Variants in GPC5 observed in about 807,000 individuals in gnomAD.
The protein encoded by GPC5 is glypican-5.
In GPC5, 47 loss-of-function variants were observed where a neutral mutation model predicts 53.9. The observed-to-expected ratio is 0.87, with a 90% CI of 0.69 to 1.11. The LOEUF (loss-of-function observed/expected upper bound fraction) is 1.11, where lower values mean the gene tolerates loss of function less well. Ranked by LOEUF, GPC5 falls within the 50% of genes most tolerant of loss-of-function variation. The pLI is 0.00. For missense variants in GPC5, 748 were observed against 713.1 expected (o/e 1.05, Z -0.56); for synonymous variants, 286 against 263.3 (o/e 1.09, Z -0.84).
intron 7 of GPC5, among the ~76,000 whole-genome samples, chr13:92,744,973 C>T (rs1480205843): frequency 6.6e-6 from 1 of 151,922 alleles, no homozygotes; most frequent in Non-Finnish European, 1.5e-5. Context: ...TGAGACTTGC[C>T]TTCTCTAGTC....
At chr13:91,819,113 AACT>A (rs1185588645) in intron 5 of GPC5, among the ~76,000 whole-genome samples, 1 of 150,046 alleles carries the variant, frequency 6.7e-6, no homozygotes, top group African/African-American at 2.5e-5. Flanking sequence ...ATCCTGACTT[AACT>A]GAGAATTATT....
intron 4 of GPC5, among the ~76,000 whole-genome samples, chr13:91,745,740 T>A (rs561624963): frequency 7.9e-5 from 12 of 152,046 alleles, no homozygotes; most frequent in South Asian, 4.2e-4. Context: ...GGAAAAAAAA[T>A]TTTTTTTCTT....
intron 2 of GPC5, among the ~76,000 whole-genome samples, chr13:91,461,756 A>G (rs1328022156): frequency 6.6e-6 from 1 of 151,992 alleles, no homozygotes; most frequent in African/African-American, 2.4e-5. Context: ...TGTTATGGCA[A>G]ATGGTATGAA....
chr13:92,131,306 T>A (rs1208445406), intron 6 of GPC5, among the ~76,000 whole-genome samples: 1 of 152,016 alleles, frequency 6.6e-6, no homozygotes, highest in Admixed American at 6.6e-5. Context: ...ATATGTACCT[T>A]TTGACCCAGC....
intron 2 of GPC5, among the ~76,000 whole-genome samples, chr13:91,613,989 T>G (rs1362639504): frequency 6.6e-6 from 1 of 152,188 alleles, no homozygotes; most frequent in Non-Finnish European, 1.5e-5. Context: ...CAAAAACCAG[T>G]GAAAGATGGT....
At chr13:91,563,414 A>G (rs1467018869) in intron 2 of GPC5, among the ~76,000 whole-genome samples, 1 of 152,192 alleles carries the variant, frequency 6.6e-6, no homozygotes, top group Non-Finnish European at 1.5e-5. Context: ...CAAGCCAGAA[A>G]ATGAAAACGG....
chr13:92,504,436 C>T (rs550040010), intron 7 of GPC5, among the ~76,000 whole-genome samples: 2 of 151,866 alleles, frequency 1.3e-5, no homozygotes, highest in African/African-American at 4.8e-5. Flanking sequence ...AGATTTAATG[C>T]AAGTCCAATC....
intron 6 of GPC5, among the ~76,000 whole-genome samples, chr13:91,971,140 C>A (rs1342554832): frequency 6.6e-6 from 1 of 152,170 alleles, no homozygotes; most frequent in Non-Finnish European, 1.5e-5. Flanking sequence ...CCCACAATTT[C>A]AGAGCCTGTT....
At chr13:92,037,050 C>T (rs1244178360) in intron 6 of GPC5, among the ~76,000 whole-genome samples, 1 of 152,084 alleles carries the variant, frequency 6.6e-6, no homozygotes, top group African/African-American at 2.4e-5. Flanking sequence ...CATTTATTTG[C>T]TCTAATCTTC....
At chr13:91,705,330 G>T (rs182925) in intron 3 of GPC5, among the ~76,000 whole-genome samples, 32,529 of 152,030 alleles carry the variant, frequency 0.21, 4,500 homozygotes, top group African/African-American at 0.39. Context: ...TTCAAAAATT[G>T]GGGCCTGCTA....
intron 6 of GPC5, among the ~76,000 whole-genome samples, chr13:92,108,502 T>C (rs558493246): frequency 1.3e-5 from 2 of 152,330 alleles, no homozygotes; most frequent in South Asian, 2.1e-4. Context: ...TGTCTTATCA[T>C]GTCAGCCCTT....
At chr13:91,974,252 T>G (rs1485300847) in intron 6 of GPC5, among the ~76,000 whole-genome samples, 2 of 152,118 alleles carry the variant, frequency 1.3e-5, no homozygotes, top group Non-Finnish European at 2.9e-5. Context: ...CAACATAGTG[T>G]TGGAAGTTCT....
rs565118416 is a variant in GPC5, at chr13:92,140,145, G to A, written c.1402-4685G>A. Reference sequence around the variant, plus strand: ...AAGTAGATAAAATAAGAAAATGAAAGGGTGTATTCTATGTGAAGGAAAAAC... The same window carrying A: ...AAGTAGATAAAATAAGAAAATGAAAAGGTGTATTCTATGTGAAGGAAAAAC... On this transcript the variant is annotated intron_variant, in intron 6 of 7. Transcript: ENST00000377067. 3.3e-5 allele frequency among the ~76,000 whole-genome samples: 5 copies of A among 152,242 alleles called. No individual in the cohort carries two copies. In the South Asian group the frequency reaches 6.2e-4, roughly 19 times the overall value.
chr13:91,949,529 G>A (rs1370895904), intron 6 of GPC5, among the ~76,000 whole-genome samples: 1 of 152,184 alleles, frequency 6.6e-6, no homozygotes. Flanking sequence ...ATCCTTAAAG[G>A]ATGCTAAAGG....
At chr13:91,664,532 T>A (rs2139635808) in intron 2 of GPC5, among the ~76,000 whole-genome samples, 1 of 152,370 alleles carries the variant, frequency 6.6e-6, no homozygotes, top group African/African-American at 2.4e-5. Flanking sequence ...CAAATTGCTA[T>A]CTGATTTTAC....
intron 5 of GPC5, among the ~76,000 whole-genome samples, chr13:91,838,196 A>C (rs527614002): frequency 1.2e-4 from 19 of 152,220 alleles, no homozygotes; most frequent in South Asian, 8.3e-4. Flanking sequence ...TGCAATAGAA[A>C]ACATGGTAGA....
At chr13:92,127,580 C>T (rs1005433017) in intron 6 of GPC5, among the ~76,000 whole-genome samples, 3 of 152,058 alleles carry the variant, frequency 2.0e-5, no homozygotes, top group African/African-American at 7.2e-5. Flanking sequence ...CTTGAATTAG[C>T]AGAGCAGAAC....
At chr13:92,434,574 G>A (rs1467260420) in intron 7 of GPC5, among the ~76,000 whole-genome samples, 1 of 152,130 alleles carries the variant, frequency 6.6e-6, no homozygotes, top group Non-Finnish European at 1.5e-5. Flanking sequence ...TACATCTCGT[G>A]ATATCAGGAA....
At chr13:91,825,268 A>C (rs1390466558) in intron 5 of GPC5, among the ~76,000 whole-genome samples, 1 of 152,110 alleles carries the variant, frequency 6.6e-6, no homozygotes, top group Non-Finnish European at 1.5e-5. Flanking sequence ...CCCAAGCAGC[A>C]GTATCTCTCA....
Sources: gnomAD v4.1 joint callset for allele counts (sites outside exome capture counted in the v4.1 genomes callset) on GRCh38, gnomAD v4.1.1 for gene constraint, MANE v1.5 for transcripts, NCBI Gene and HGNC (gene_info 2026-07-23, HGNC 2026-07-21) for gene names.